Variants in GLI2 observed in about 807,000 individuals in gnomAD.
GLI2 encodes GLI family zinc finger 2, also known as transcription activator GLI2.
A neutral mutation model predicts 78.9 loss-of-function variants in GLI2; 22 were observed. The observed-to-expected ratio is 0.28, with a 90% CI of 0.20 to 0.40. GLI2 has a LOEUF of 0.40. Among genes scored for constraint, GLI2 ranks in the 10% least tolerant of loss-of-function variants. GLI2 has a pLI of 1.00. For synonymous variants in GLI2, 974 were observed against 963.7 expected, an observed-to-expected ratio of 1.01 and a Z score of -0.20; for missense variants, 2,097 against 2,213.2, an observed-to-expected ratio of 0.95 and a Z score of 1.05.
In GLI2 at chr2:120,984,665, G is replaced by A. The variant is rs529357824; in HGVS notation, c.1827G>A (p.Glu609=). The A allele has an allele frequency of 6.2e-7, 1 of 1,613,876 alleles. No homozygotes were observed. The highest frequency in any genetic ancestry group is 8.5e-7 in the Non-Finnish European group (1 of 1,180,018). The change falls in exon 12 of 14, where the codon GAG becomes GAA. Residue 609 remains glutamate (E), a synonymous_variant. Transcript: ENST00000361492. ...SEAGTEPGGP[E]STEASSTSQA... Reference sequence around the variant, plus strand: ...CCGGCACGGAGCCTGGCGGCCCAGAGAGCACCGAGGCCAGCAGCACCAGCC... The same window carrying A: ...CCGGCACGGAGCCTGGCGGCCCAGAAAGCACCGAGGCCAGCAGCACCAGCC...
intron 1 of GLI2, among the ~76,000 whole-genome samples, chr2:120,767,884 G>A (rs996682566): frequency 1.3e-5 from 2 of 152,338 alleles, no homozygotes; most frequent in Non-Finnish European, 2.9e-5. Context: ...TGCTGTGGGA[G>A]GGAGATAAAT....
At chr2:120,930,771 C>CT (rs1679911805) in intron 3 of GLI2, among the ~76,000 whole-genome samples, 2 of 152,236 alleles carry the variant, frequency 1.3e-5, no homozygotes, top group African/African-American at 4.8e-5. Flanking sequence ...TGGCTACAGG[C>CT]AGAGCCCCCA....
At chr2:120,808,836 C>T (rs1685087301) in intron 2 of GLI2, among the ~76,000 whole-genome samples, 1 of 152,158 alleles carries the variant, frequency 6.6e-6, no homozygotes, top group Non-Finnish European at 1.5e-5. Context: ...TTGTTATTCT[C>T]ATGGGATAGT....
At chr2:120,946,473 G>A (rs1485460233) in intron 3 of GLI2, among the ~76,000 whole-genome samples, 10 of 152,136 alleles carry the variant, frequency 6.6e-5, no homozygotes. Flanking sequence ...CTTTTAAATT[G>A]AGCTCATGCA....
chr2:120,883,568 G>T (rs1677253893), intron 2 of GLI2, among the ~76,000 whole-genome samples: 1 of 152,188 alleles, frequency 6.6e-6, no homozygotes, highest in African/African-American at 2.4e-5. Context: ...GTGTGTGCAG[G>T]TATTTGTAGA....
At chr2:120,924,423 C>T (rs1679557115) in intron 2 of GLI2, among the ~76,000 whole-genome samples, 1 of 152,056 alleles carries the variant, frequency 6.6e-6, no homozygotes. Context: ...TTTTTTAGTC[C>T]TGTGACTTTG....
intron 2 of GLI2, among the ~76,000 whole-genome samples, chr2:120,879,669 G>C (rs1677017729): frequency 6.6e-6 from 1 of 152,204 alleles, no homozygotes; most frequent in Admixed American, 6.5e-5. Flanking sequence ...ATGCCTGGAT[G>C]AATCTCAGGC....
intron 2 of GLI2, among the ~76,000 whole-genome samples, chr2:120,868,024 C>A (rs367981195): frequency 2.4e-4 from 37 of 152,314 alleles, no homozygotes; most frequent in South Asian, 6.2e-4. Context: ...TTCCTGCCCC[C>A]CCAGCCTCCC....
intron 1 of GLI2, among the ~76,000 whole-genome samples, chr2:120,796,155 C>T (rs1259825534): frequency 6.6e-6 from 1 of 152,236 alleles, no homozygotes; most frequent in Admixed American, 6.5e-5. Context: ...ACCCACCACT[C>T]AGCTGGAGAC....
intron 3 of GLI2, among the ~76,000 whole-genome samples, chr2:120,944,024 G>A (rs1403111506): frequency 6.6e-6 from 1 of 152,074 alleles, no homozygotes; most frequent in Non-Finnish European, 1.5e-5. Flanking sequence ...TGTTTCTCAG[G>A]CAGAAGCTAC....
Position 120,988,645 on chromosome 2 carries a change from A to G in GLI2, c.2680A>G (p.Met894Val), listed in dbSNP as rs1194343331. 30 of 1,430,456 alleles carry G rather than the reference A, an allele frequency of 2.1e-5. No individual in the cohort carries two copies. The highest frequency in any genetic ancestry group is 2.5e-5 in the Non-Finnish European group (27 of 1,096,334). The allele number at this position is 1,430,456 out of a possible 1,614,324, so 88.6% of individuals were successfully genotyped here. Reference protein sequence around the residue: ...PPTPLPGLERMSLRTRLALLD... With the variant: ...PPTPLPGLERVSLRTRLALLD... ...CACTCCGCTGCCGGGCCTGGAGCGC[A>G]TGAGCCTGCGGACCAGGCTGGCGCT... The change falls in exon 14 of 14, where the codon ATG becomes GTG. Residue 894 changes from methionine to valine, a missense_variant. This residue lies in a region of GLI2 where 1,290 missense variants were observed against 1,261.7 expected (regional missense o/e 1.02). Coordinates refer to ENST00000361492, the MANE Select transcript of GLI2 (RefSeq NM_001374353.1).
At chr2:120,792,345 A>G (rs1684186534) in intron 1 of GLI2, 1 of 152,256 alleles carries the variant, frequency 6.6e-6, no homozygotes, top group Admixed American at 6.5e-5. Context: ...CAGGACTGTG[A>G]AAGAAAGTGA....
Position 120,892,997 on chromosome 2 carries a change from G to A in GLI2, c.149-34364G>A, listed in dbSNP as rs148754067. Among the ~76,000 whole-genome samples the A allele has an allele frequency of 9.9e-3, 1,501 of 152,340 alleles. 23 individuals carry two copies. The highest frequency in any genetic ancestry group is 0.035 in the African/African-American group (1,442 of 41,586). Reference sequence around the variant, plus strand: ...TTGAAGTCAGGAAGGATAGACCACCGCTAACCCGAGGAGTGACCGCCAGTG... The same window carrying A: ...TTGAAGTCAGGAAGGATAGACCACCACTAACCCGAGGAGTGACCGCCAGTG... On this transcript the variant is annotated intron_variant, in intron 2 of 13. Coordinates refer to ENST00000361492, the MANE Select transcript of GLI2 (RefSeq NM_001374353.1).
At chr2:120,859,330 A>C (rs1687797794) in intron 2 of GLI2, among the ~76,000 whole-genome samples, 1 of 152,050 alleles carries the variant, frequency 6.6e-6, no homozygotes, top group Non-Finnish European at 1.5e-5. Context: ...TTGGAATGTC[A>C]TTGGAGCTTA....
At chr2:120,753,830 G>A (rs1014282008) in intron 1 of GLI2, among the ~76,000 whole-genome samples, 41 of 151,814 alleles carry the variant, frequency 2.7e-4, no homozygotes, top group African/African-American at 9.7e-4. Context: ...CCCGGGAGGC[G>A]GAGCTTGCAG....
chr2:120,913,334 T>A (rs1678928221), intron 2 of GLI2, among the ~76,000 whole-genome samples: 1 of 152,190 alleles, frequency 6.6e-6, no homozygotes, highest in South Asian at 2.1e-4. Flanking sequence ...GAAGACGTAG[T>A]AGGAATAAAA....
chr2:120,843,562 A>ACC (rs1320707320), intron 2 of GLI2, among the ~76,000 whole-genome samples: 1 of 152,152 alleles, frequency 6.6e-6, no homozygotes, highest in African/African-American at 2.4e-5. Flanking sequence ...GAAAGCAAAT[A>ACC]CCCCGCTTTG....
chr2:120,910,720 A>G (rs1168851095), intron 2 of GLI2, among the ~76,000 whole-genome samples: 1 of 152,214 alleles, frequency 6.6e-6, no homozygotes, highest in Non-Finnish European at 1.5e-5. Flanking sequence ...GCAGAATGAT[A>G]CATGGGGGTT....
intron 2 of GLI2, among the ~76,000 whole-genome samples, chr2:120,901,888 G>A (rs1678274871): frequency 6.6e-6 from 1 of 152,070 alleles, no homozygotes; most frequent in Admixed American, 6.5e-5. Context: ...TTTCAGCATT[G>A]GGTATTCTCA....
Sources: gnomAD v4.1 joint callset for allele counts (sites outside exome capture counted in the v4.1 genomes callset) on GRCh38, gnomAD v4.1.1 for gene constraint, gnomAD v4.1.1 regional missense constraint, MANE v1.5 for transcripts, NCBI Gene and HGNC (gene_info 2026-07-23, HGNC 2026-07-21) for gene names.